Variants in UBR4 observed in about 807,000 individuals in gnomAD.
UBR4 encodes the protein ubiquitin protein ligase E3 component n-recognin 4.
Under a neutral mutation model 575.6 loss-of-function variants are expected in UBR4, and 124 were observed. The ratio of observed to expected loss-of-function variants is 0.22; its 90% confidence interval spans 0.19 to 0.25. The LOEUF is 0.25. Ranked by LOEUF, UBR4 falls within the 10% of genes least tolerant of loss-of-function variation. UBR4 has a pLI of 1.00. For synonymous variants in UBR4, 2,455 were observed against 2,473.7 expected (o/e 0.99, Z 0.22); for missense variants, 4,818 against 6,478.8 (o/e 0.74, Z 8.80).
At chr1:19,176,006 C>CA (rs1255244075) in intron 20 of UBR4, among the ~76,000 whole-genome samples, 4 of 152,228 alleles carry the variant, frequency 2.6e-5, no homozygotes, top group Admixed American at 6.5e-5. Context: ...AGGCTGATCT[C>CA]AAATTCCTGG....
intron 76 of UBR4, 35 bp from the exon 77 acceptor site, chr1:19,113,862 A>T: frequency 6.2e-7 from 1 of 1,614,088 alleles, no homozygotes; most frequent in Non-Finnish European, 8.5e-7. Context: ...CAGGCTCCCC[A>T]CCTAAGGTGA....
rs544705653 is a variant in UBR4 at position 19,187,112 on chromosome 1, T to A, written c.1632+52A>T. The A allele has an allele frequency of 2.0e-4, 267 of 1,348,782 alleles. No homozygotes were observed. In the East Asian group the frequency reaches 4.4e-3, roughly 22 times the overall value. The allele number at this position is 1,348,782 out of a possible 1,614,324, so 83.6% of individuals were successfully genotyped here. On this transcript the variant is annotated intron_variant, in intron 13 of 105. Transcript: ENST00000375254. ...TATATATATACATATATATATCATATATATAAAATGAGACATTCTTCTAAA... is the reference window on the plus strand; with the variant it reads ...TATATATATACATATATATATCATAAATATAAAATGAGACATTCTTCTAAA...
rs776175205 is a variant in UBR4 at position 19,093,342 on chromosome 1, G to A, written c.14082C>T (p.Tyr4694=). Residue 4694 remains tyrosine, a synonymous_variant, in exon 96 of 106, where the codon TAC becomes TAT. Coordinates refer to ENST00000375254, the MANE Select transcript of UBR4 (RefSeq NM_020765.3). The surrounding 1 kb of genome is among the most constrained non-coding windows in gnomAD (Gnocchi z 4.8). ...TGGCGCTAGGGATGTGCTTTTTCAT[G>A]TAGTCAAGTGCATTCTGGGTGATCC... ...QKGITQNALD[Y]MKKHIPSAKN... is the part of the protein sequence containing the mutation. 5.6e-6 allele frequency: 9 copies of A among 1,613,910 alleles called. No individual in the cohort carries two copies. The highest frequency in any genetic ancestry group is 5.3e-5 in the African/African-American group (4 of 74,950).
Position 19,162,446 on chromosome 1 carries a change from C to T in UBR4, c.4930G>A (p.Glu1644Lys). The T allele has an allele frequency of 5.6e-6, 9 of 1,613,950 alleles. No individual in the cohort carries two copies. Among genetic ancestry groups the T allele is most frequent in the Non-Finnish European group, 7.6e-6 (9 of 1,179,944 alleles). The change falls in exon 35 of 106, where the codon GAG (glutamate) becomes AAG (lysine). Residue 1644 changes from glutamate to lysine, a missense_variant. Glu to Lys is a moderately conservative substitution (Grantham distance 56). Coordinates refer to ENST00000375254, the MANE Select transcript of UBR4 (RefSeq NM_020765.3). ...SDWVEELAVE[E>K]EDSQAEDSDE... is the part of the protein sequence containing the mutation. The stretch of plus-strand genomic sequence containing the variant: ...GAATCCTCAGCCTGGGAATCTTCCT[C>T]TTCCACCGCCAACTCCTCCACCCAG...
chr1:19,192,476 C>T lies in UBR4; in HGVS notation c.1203+5G>A. ...GTATGCAGCAGAGACAGATACGCTT[C>T]TTACCTCACCACCAGCCCGGCGAGA... is the stretch of plus-strand genomic sequence containing the variant. On this transcript the variant is annotated splice_donor_5th_base_variant and intron_variant, in intron 10 of 105. Coordinates refer to ENST00000375254, the MANE Select transcript of UBR4 (RefSeq NM_020765.3). 3 of 1,614,186 alleles carry T rather than the reference C, an allele frequency of 1.9e-6. No homozygotes were observed. Among genetic ancestry groups the T allele is most frequent in the Non-Finnish European group, 2.5e-6 (3 of 1,180,032 alleles).
intron 1 of UBR4, 106 bp from the exon 2 acceptor site, chr1:19,201,921 G>T: frequency 2.1e-6 from 2 of 939,332 alleles, no homozygotes; most frequent in Non-Finnish European, 3.2e-6. Context: ...CTGGTAGATA[G>T]TATCATCAAC....
At chr1:19,205,509 G>A (rs2092960636) in intron 1 of UBR4, among the ~76,000 whole-genome samples, 1 of 152,030 alleles carries the variant, frequency 6.6e-6, no homozygotes, top group Non-Finnish European at 1.5e-5. Context: ...GTTGACTAAA[G>A]AACTGAAAAC....
At chr1:19,104,764 T>C (rs1042395188) in intron 85 of UBR4, 98 bp from the exon 86 acceptor site, 39 of 1,297,312 alleles carry the variant, frequency 3.0e-5, no homozygotes, top group Middle Eastern at 1.8e-4. Flanking sequence ...AGACACTCTG[T>C]AGTTACATCT....
chr1:19,171,599 G>A (rs1279103811), intron 25 of UBR4, among the ~76,000 whole-genome samples: 1 of 152,142 alleles, frequency 6.6e-6, no homozygotes, highest in Admixed American at 6.5e-5. Context: ...CCAGCACTTT[G>A]GGAGGCTGAG....
At chr1:19,205,166 T>C (rs911568530) in intron 1 of UBR4, among the ~76,000 whole-genome samples, 3 of 152,226 alleles carry the variant, frequency 2.0e-5, no homozygotes, top group African/African-American at 7.2e-5. Context: ...GAAGCTTTTA[T>C]ACTCTATACC....
chr1:19,185,707 G>A (rs1201121114), intron 14 of UBR4, among the ~76,000 whole-genome samples: 2 of 151,604 alleles, frequency 1.3e-5, no homozygotes, highest in Non-Finnish European at 2.9e-5. Flanking sequence ...CCGAGTAGCT[G>A]GGACTACAGG....
chr1:19,089,162 C>T lies in UBR4; in HGVS notation c.14212-185G>A, dbSNP rs574271923. Among the ~76,000 whole-genome samples, 1 of 152,356 alleles carries T rather than the reference C, an allele frequency of 6.6e-6. No individual in the cohort carries two copies. The highest frequency in any genetic ancestry group is 1.9e-4 in the East Asian group (1 of 5,194). On this transcript the variant is annotated intron_variant, in intron 97 of 105. Transcript: ENST00000375254. The surrounding 1 kb of genome is among the most constrained non-coding windows in gnomAD (Gnocchi z 4.3). ...CAAATGGAAGAGGGTTTGGCTCTGCCACTGCCTCTGACCAATTCCTATGCT... is the reference window on the plus strand; with the variant it reads ...CAAATGGAAGAGGGTTTGGCTCTGCTACTGCCTCTGACCAATTCCTATGCT...
chr1:19,128,666 T>C (rs2082083776), intron 61 of UBR4, among the ~76,000 whole-genome samples: 1 of 151,984 alleles, frequency 6.6e-6, no homozygotes, highest in Non-Finnish European at 1.5e-5. Context: ...AGCTAGTGAG[T>C]GGAAGAACAG....
chr1:19,192,102 T>C (rs1264227582), intron 11 of UBR4, 86 bp downstream of exon 11: 1 of 1,473,040 alleles, frequency 6.8e-7, no homozygotes, highest in Non-Finnish European at 9.1e-7. Flanking sequence ...ATTTTCCTAT[T>C]GATATGAAGT....
intron 53 of UBR4, 68 bp from the exon 54 acceptor site, chr1:19,144,975 C>T: frequency 6.3e-7 from 1 of 1,585,980 alleles, no homozygotes; most frequent in Non-Finnish European, 8.6e-7. Context: ...GAGTCTGAGA[C>T]AAAAGTGTAA....
intron 52 of UBR4, chr1:19,146,210 C>T: frequency 1.1e-6 from 1 of 925,878 alleles, no homozygotes; most frequent in Non-Finnish European, 1.5e-6. Flanking sequence ...TCCAACTGTT[C>T]AACTTCTAAA....
chr1:19,124,944 T>C (rs1057492755), intron 64 of UBR4, among the ~76,000 whole-genome samples: 3 of 151,982 alleles, frequency 2.0e-5, no homozygotes, highest in East Asian at 3.9e-4. Flanking sequence ...TTTCACTCTA[T>C]GGTTTTTGAC....
chr1:19,195,708 C>T lies in UBR4; in HGVS notation c.1018+1433G>A, dbSNP rs866796218. On this transcript the variant is annotated intron_variant, in intron 8 of 105. Transcript: ENST00000375254. The stretch of plus-strand genomic sequence containing the variant: ...TGCCCTAGCTGAGGCCCTAAATGTA[C>T]GCTGCCTGAATGACTGCCAATTCCT... Among the ~76,000 whole-genome samples the T allele has an allele frequency of 3.3e-5, 5 of 152,130 alleles. No homozygotes were observed. In the East Asian group the frequency reaches 5.8e-4, roughly 18 times the overall value.
Position 19,184,077 on chromosome 1 carries a change from T to C in UBR4, c.2037A>G (p.Ser679=). The C allele has an allele frequency of 6.2e-7, 1 of 1,614,190 alleles. No individual in the cohort carries two copies. Among genetic ancestry groups the C allele is most frequent in the Non-Finnish European group, 8.5e-7 (1 of 1,180,032 alleles). ...FIRNYLSVSL[S]EHHMATLASI... is the part of the protein sequence containing the mutation. ...TGGCTAGGGTGGCCATATGGTGTTC[T>C]GAAAGAGATACACTCAGATAGTTTC... Residue 679 remains serine (S), a synonymous_variant, in exon 16 of 106, where the codon TCA becomes TCG. Coordinates refer to ENST00000375254, the MANE Select transcript of UBR4 (RefSeq NM_020765.3).
Sources: allele counts gnomAD v4.1 joint callset (sites outside exome capture counted in the v4.1 genomes callset), GRCh38; gene constraint gnomAD v4.1.1; non-coding constraint Gnocchi (gnomAD v3.1); transcripts MANE v1.5; gene names NCBI Gene and HGNC (gene_info 2026-07-23, HGNC 2026-07-21).